Variants in OR9Q1 observed in about 807,000 individuals in gnomAD.
The protein encoded by OR9Q1 is olfactory receptor family 9 subfamily Q member 1.
For synonymous variants in OR9Q1, 153 were observed against 148.6 expected, an observed-to-expected ratio of 1.03 and a Z score of -0.22; for missense variants, 374 against 378.8, an observed-to-expected ratio of 0.99 and a Z score of 0.11.
chr11:58,097,570 T>C (rs1590588192), intron 2 of OR9Q1, among the ~76,000 whole-genome samples: 1 of 152,222 alleles, frequency 6.6e-6, no homozygotes, highest in East Asian at 1.9e-4. Context: ...AACATTTGTC[T>C]ACCATAAAAC....
At chr11:58,091,094 G>T (rs1853679688) in intron 2 of OR9Q1, among the ~76,000 whole-genome samples, 1 of 151,610 alleles carries the variant, frequency 6.6e-6, no homozygotes. Flanking sequence ...AAAAAAACAA[G>T]CTCCAGGATT....
chr11:58,130,641 A>G (rs547668079), intron 2 of OR9Q1, among the ~76,000 whole-genome samples: 3 of 152,056 alleles, frequency 2.0e-5, no homozygotes, highest in Non-Finnish European at 4.4e-5. Flanking sequence ...AAAAATTACC[A>G]AAAAGTAAAA....
chr11:58,109,195 G>T (rs934629975), intron 2 of OR9Q1: 3 of 477,486 alleles, frequency 6.3e-6, no homozygotes, highest in Admixed American at 4.6e-5. Context: ...ATGCAGAATG[G>T]CCCCTGACAC....
chr11:58,029,460 G>A (rs1853007956), intron 1 of OR9Q1, among the ~76,000 whole-genome samples: 1 of 152,178 alleles, frequency 6.6e-6, no homozygotes, highest in African/African-American at 2.4e-5. Context: ...ACAGAACCCA[G>A]ATTCAATGGG....
At chr11:58,027,435 C>A (rs554248017) in intron 1 of OR9Q1, among the ~76,000 whole-genome samples, 1 of 152,212 alleles carries the variant, frequency 6.6e-6, no homozygotes, top group Non-Finnish European at 1.5e-5. Flanking sequence ...TGTGTATGGA[C>A]CATGAGCTAA....
At chr11:58,038,040 A>G (rs561767895) in intron 1 of OR9Q1, among the ~76,000 whole-genome samples, 4 of 150,610 alleles carry the variant, frequency 2.7e-5, no homozygotes, top group African/African-American at 9.8e-5. Context: ...CAGAATAACT[A>G]TATTTTTGAG....
At chr11:58,030,807 CT>C (rs1232040276) in intron 1 of OR9Q1, 2 of 633,162 alleles carry the variant, frequency 3.2e-6, no homozygotes, top group Non-Finnish European at 5.7e-6. Flanking sequence ...ACTGTGAATT[CT>C]TTGAGGGTAA....
chr11:58,085,642 TC>T (rs1853627069), intron 2 of OR9Q1, among the ~76,000 whole-genome samples: 1 of 151,850 alleles, frequency 6.6e-6, no homozygotes, highest in African/African-American at 2.4e-5. Context: ...ATAAGTGAAA[TC>T]AAGTAGTATT....
At position 58,179,623 on chromosome 11, in the gene OR9Q1, A is replaced by T; in HGVS notation, c.179A>T (p.Tyr60Phe). Residue 60 changes from tyrosine (Y) to phenylalanine (F), a missense_variant, in exon 3 of 3, where the codon TAT (tyrosine) becomes TTT (phenylalanine). By Grantham distance (22) the Tyr-to-Phe change is conservative. Transcript: ENST00000335397. ...LMDHQLHAPM[Y>F]FLLSHLAFMD... ...GATCACCAGCTCCACGCTCCAATGTATTTCCTTCTGAGTCACCTCGCTTTC... is the reference window on the plus strand; with the variant it reads ...GATCACCAGCTCCACGCTCCAATGTTTTTCCTTCTGAGTCACCTCGCTTTC... 2 of 1,613,160 alleles carry T rather than the reference A, an allele frequency of 1.2e-6. No homozygotes were observed. Among genetic ancestry groups the T allele is most frequent in the Non-Finnish European group, 1.7e-6 (2 of 1,179,372 alleles).
chr11:58,108,995 TGATAATGAGCATGTAGCAGATCAG>T (rs1308227379), intron 2 of OR9Q1: 1 of 414,264 alleles, frequency 2.4e-6, no homozygotes. Context: ...AAAATGGCTC[TGATAATGAGCATGTAGCAGATCAG>T]GATAACCATG....
At chr11:58,102,399 A>G (rs1853793036) in intron 2 of OR9Q1, among the ~76,000 whole-genome samples, 2 of 151,944 alleles carry the variant, frequency 1.3e-5, no homozygotes, top group Non-Finnish European at 2.9e-5. Flanking sequence ...GATGGTAGTT[A>G]TTGTCCTTTC....
At chr11:58,159,266 C>A (rs1854436242) in intron 2 of OR9Q1, among the ~76,000 whole-genome samples, 1 of 152,152 alleles carries the variant, frequency 6.6e-6, no homozygotes, top group South Asian at 2.1e-4. Context: ...TTATCTGAGA[C>A]TCAGATCACA....
intron 2 of OR9Q1, among the ~76,000 whole-genome samples, chr11:58,163,755 A>C (rs1451324): frequency 6.6e-6 from 1 of 152,178 alleles, no homozygotes; most frequent in African/African-American, 2.4e-5. Context: ...ATAGCTGGGC[A>C]GGGGGCCGTT....
intron 2 of OR9Q1, among the ~76,000 whole-genome samples, chr11:58,175,918 A>G (rs1397775667): frequency 6.6e-6 from 1 of 152,128 alleles, no homozygotes; most frequent in Non-Finnish European, 1.5e-5. Flanking sequence ...GAGAGCTGGC[A>G]AAAGCTATGC....
At chr11:58,157,432 G>A (rs963142795) in intron 2 of OR9Q1, among the ~76,000 whole-genome samples, 4 of 151,970 alleles carry the variant, frequency 2.6e-5, no homozygotes, top group Admixed American at 6.6e-5. Context: ...TTCCCCAATC[G>A]GATTGTAAAC....
chr11:58,137,160 G>A (rs986091010), intron 2 of OR9Q1, among the ~76,000 whole-genome samples: 3 of 152,116 alleles, frequency 2.0e-5, no homozygotes, highest in Non-Finnish European at 4.4e-5. Context: ...TTCCAAAAGA[G>A]ATTTAAAGTG....
chr11:58,118,573 C>T (rs1253982903), intron 2 of OR9Q1: 2 of 1,613,856 alleles, frequency 1.2e-6, no homozygotes, highest in South Asian at 2.2e-5. Context: ...GTTTCTTAAG[C>T]TGTAGATCAG....
chr11:58,026,332 C>A (rs889898143), intron 1 of OR9Q1, among the ~76,000 whole-genome samples: 1 of 152,158 alleles, frequency 6.6e-6, no homozygotes, highest in African/African-American at 2.4e-5. Context: ...TGTCTCTCAA[C>A]CTTTTTATTT....
intron 2 of OR9Q1, chr11:58,072,997 C>A: frequency 4.8e-6 from 1 of 208,166 alleles, no homozygotes; most frequent in Non-Finnish European, 1.1e-5. Context: ...ATGTTTTCAT[C>A]TGGTCCTCTC....
Sources: gnomAD v4.1 joint callset for allele counts (sites outside exome capture counted in the v4.1 genomes callset) on GRCh38, gnomAD v4.1.1 for gene constraint, MANE v1.5 for transcripts, NCBI Gene and HGNC (gene_info 2026-07-23, HGNC 2026-07-21) for gene names.